BDH1: variants seen among roughly 807,000 people sequenced by gnomAD.
The protein encoded by BDH1 is 3-hydroxybutyrate dehydrogenase 1.
A neutral mutation model predicts 33.1 loss-of-function variants in BDH1; 30 were observed. The observed-to-expected ratio is 0.91, with a 90% CI of 0.68 to 1.23. The LOEUF (loss-of-function observed/expected upper bound fraction) is 1.23. Ranked by LOEUF, BDH1 falls within the 50% of genes most tolerant of loss-of-function variation. The pLI, the probability that BDH1 is intolerant of heterozygous loss-of-function variation, is 0.00. For synonymous variants in BDH1, 190 were observed against 183.6 expected (o/e 1.03, Z -0.28); for missense variants, 443 against 464.4 (o/e 0.95, Z 0.42).
chr3:197,567,348 C>G (rs528624107), intron 1 of BDH1, among the ~76,000 whole-genome samples: 5 of 152,168 alleles, frequency 3.3e-5, no homozygotes, highest in African/African-American at 7.2e-5. Flanking sequence ...ACCTGCCTCC[C>G]GTTCTGTTCA....
chr3:197,515,299 G>T, intron 6 of BDH1: 1 of 985,516 alleles, frequency 1.0e-6, no homozygotes. Flanking sequence ...TGTCCATGAA[G>T]AGCTCACTCC....
intron 5 of BDH1, chr3:197,529,419 A>G (rs1714441336): frequency 6.6e-6 from 1 of 152,236 alleles, no homozygotes; most frequent in Non-Finnish European, 1.5e-5. Flanking sequence ...TTGGATTTTC[A>G]GATCAGAGAT....
intron 1 of BDH1, among the ~76,000 whole-genome samples, chr3:197,570,211 C>T (rs1455718267): frequency 6.6e-6 from 1 of 152,174 alleles, no homozygotes. Context: ...GAAGAAATTT[C>T]TAAGTAGCAA....
At chr3:197,566,702 G>A (rs1490173731) in intron 1 of BDH1, among the ~76,000 whole-genome samples, 1 of 152,182 alleles carries the variant, frequency 6.6e-6, no homozygotes, top group African/African-American at 2.4e-5. Context: ...CAAAACTATA[G>A]TACAGCAGTT....
rs746191768 is a variant in BDH1 at position 197,514,299 on chromosome 3, G to A, written c.527C>T (p.Thr176Met). The A allele has an allele frequency of 4.6e-5, 74 of 1,613,610 alleles. No homozygotes were observed. In the Middle Eastern group the frequency reaches 4.9e-4, roughly 11 times the overall value. The change falls in exon 7 of 8, where the codon ACG (threonine) becomes ATG (methionine). Residue 176 changes from threonine (T) to methionine (M), a missense_variant. Coordinates refer to ENST00000392379, the MANE Select transcript of BDH1 (RefSeq NM_203314.3). The surrounding 1 kb of genome is among the most constrained non-coding windows in gnomAD (Gnocchi z 4.2). The stretch of plus-strand genomic sequence containing the variant: ...TCGGATGAGGGGGAGAAAGGATTTC[G>A]TCATCCGCACTGTGCCCCAAAGGTT... ...EVNLWGTVRM[T>M]KSFLPLIRRA...
intron 2 of BDH1, among the ~76,000 whole-genome samples, chr3:197,549,696 A>C (rs1041652076): frequency 2.6e-5 from 4 of 152,212 alleles, no homozygotes; most frequent in African/African-American, 7.2e-5. Flanking sequence ...CACACTGAAG[A>C]GCTTCAGACC....
chr3:197,512,480 C>T, intron 7 of BDH1, 116 bp from the exon 8 acceptor site: 2 of 1,138,280 alleles, frequency 1.8e-6, no homozygotes, highest in Admixed American at 2.8e-5. Context: ...ACCCAGGAGC[C>T]TTCTCAGTCA....
rs376364075 is a variant in BDH1 at position 197,535,377 on chromosome 3, C to T, written c.84-1816G>A. ...CTAGCCTATGACGTGCCTTTTTATC[C>T]TCTGTAGCAGGGTCTACTGCAGGGG... On this transcript the variant is annotated intron_variant, in intron 3 of 7. Coordinates refer to ENST00000392379, the MANE Select transcript of BDH1 (RefSeq NM_203314.3). Among the ~76,000 whole-genome samples, 14 of 152,300 alleles carry T rather than the reference C, an allele frequency of 9.2e-5. No homozygotes were observed. The South Asian group carries it at 2.5e-3, about 27-fold the overall frequency.
In BDH1 at chr3:197,554,965, G is replaced by A. The variant is rs1013927230; in HGVS notation, c.-195-252C>T. Among the ~76,000 whole-genome samples, 3 of 152,258 alleles carry A rather than the reference G, an allele frequency of 2.0e-5. No homozygotes were observed. Among genetic ancestry groups the A allele is most frequent in the Admixed American group, 1.3e-4 (2 of 15,292 alleles). On this transcript the variant is annotated intron_variant, in intron 1 of 7. Coordinates refer to ENST00000392379, the MANE Select transcript of BDH1 (RefSeq NM_203314.3). This position sits in a 1 kb window ranked among gnomAD's most constrained non-coding sequence, Gnocchi z 4.4. The stretch of plus-strand genomic sequence containing the variant: ...AGCAGCGCTCCCCAACGGCCGGCCG[G>A]AGGGCGGGGAGAGAGGGGGGCTCGG...
upstream of BDH1, among the ~76,000 whole-genome samples, chr3:197,560,659 T>C (rs1355130137): frequency 6.6e-6 from 1 of 152,180 alleles, no homozygotes; most frequent in African/African-American, 2.4e-5. Flanking sequence ...AATGTTCAAG[T>C]GCTATTTCTT....
intron 3 of BDH1, chr3:197,533,908 T>G (rs1235589730): frequency 2.2e-5 from 6 of 278,746 alleles, no homozygotes; most frequent in Non-Finnish European, 4.0e-5. Flanking sequence ...AGGTAATGTT[T>G]CAAGCTAATT....
At position 197,510,599 on chromosome 3, in the gene BDH1, G is replaced by GGGTGTGTGTGTGTGTGTGTGTGTGT. The variant is rs1553865645; in HGVS notation, c.*1295_*1296insACACACACACACACACACACACACC. 4.0e-5 allele frequency: 3 copies of GGGTGTGTGTGTGTGTGTGTGTGTGT among 75,376 alleles called. No individual in the cohort carries two copies. Among genetic ancestry groups the GGGTGTGTGTGTGTGTGTGTGTGTGT allele is most frequent in the East Asian group, 1.6e-3 (2 of 1,274 alleles). 4.7% of individuals were successfully genotyped at this position (75,376 alleles called of 1,614,324 possible). ...CCACGCTGAAGCCCTGCAGAACAGGGGTGTGTGTGTGTGTGTGTGTGTGTG... is the reference window on the plus strand; with the variant it reads ...CCACGCTGAAGCCCTGCAGAACAGGGGGTGTGTGTGTGTGTGTGTGTGTGTGTGTGTGTGTGTGTGTGTGTGTGTG... On this transcript the variant is annotated 3_prime_UTR_variant, in exon 8 of 8. Coordinates refer to ENST00000392379, the MANE Select transcript of BDH1 (RefSeq NM_203314.3).
At chr3:197,515,550 CTT>C in intron 6 of BDH1, 1 of 985,692 alleles carries the variant, frequency 1.0e-6, no homozygotes, top group Non-Finnish European at 1.2e-6. Flanking sequence ...CCTTCTCTCT[CTT>C]TTACACAATT....
rs115140013 is a variant in BDH1 at position 197,552,823 on chromosome 3, A to G, written c.-44+1739T>C. Among the ~76,000 whole-genome samples the G allele has an allele frequency of 4.6e-3, 693 of 152,268 alleles. 7 individuals carry two copies. Among genetic ancestry groups the G allele is most frequent in the African/African-American group, 0.016 (670 of 41,572 alleles). On this transcript the variant is annotated intron_variant, in intron 2 of 7. Transcript: ENST00000392379. ...TGTTGTTGTTCAGTCTCATTAGAATATAAGCTCTTTGAGAACAGGAATTTT... is the reference window on the plus strand; with the variant it reads ...TGTTGTTGTTCAGTCTCATTAGAATGTAAGCTCTTTGAGAACAGGAATTTT...
chr3:197,560,311 G>A (rs113599315), upstream of BDH1, among the ~76,000 whole-genome samples: 6 of 152,356 alleles, frequency 3.9e-5, no homozygotes, highest in African/African-American at 1.4e-4. Context: ...TTGCCGTGGT[G>A]TGCTTATACT....
chr3:197,519,343 C>A (rs924998906), intron 6 of BDH1, among the ~76,000 whole-genome samples: 7 of 152,062 alleles, frequency 4.6e-5, no homozygotes, highest in African/African-American at 1.7e-4. Flanking sequence ...GGGGCAGGTG[C>A]AAGCCCAAGA....
intron 1 of BDH1, among the ~76,000 whole-genome samples, chr3:197,570,472 C>T (rs1717571859): frequency 1.3e-5 from 2 of 152,184 alleles, no homozygotes; most frequent in African/African-American, 4.8e-5. Flanking sequence ...GGCCTATAGG[C>T]CTAGAAGGAG....
chr3:197,550,375 T>G (rs950317947), intron 2 of BDH1, among the ~76,000 whole-genome samples: 2 of 152,080 alleles, frequency 1.3e-5, no homozygotes, highest in African/African-American at 4.8e-5. Flanking sequence ...GGCGACCAGT[T>G]CTCCTCCGAT....
intron 6 of BDH1, among the ~76,000 whole-genome samples, chr3:197,517,290 C>T (rs551821191): frequency 6.4e-5 from 6 of 93,236 alleles, no homozygotes; most frequent in Non-Finnish European, 1.3e-4. Flanking sequence ...TCCATCCCCC[C>T]CTCAGGCCGA....
Sources: gnomAD v4.1 joint callset for allele counts (sites outside exome capture counted in the v4.1 genomes callset) on GRCh38, gnomAD v4.1.1 for gene constraint, Gnocchi (gnomAD v3.1) non-coding constraint, MANE v1.5 for transcripts, NCBI Gene and HGNC (gene_info 2026-07-23, HGNC 2026-07-21) for gene names.